FAM124B: variants seen among roughly 807,000 people sequenced by gnomAD.
The protein encoded by FAM124B is protein FAM124B.
FAM124B carries 18 observed loss-of-function variants against 19.7 expected under a neutral mutation model. The observed-to-expected ratio is 0.92, with a 90% CI of 0.63 to 1.36. The LOEUF (loss-of-function observed/expected upper bound fraction) is 1.36, where lower values mean the gene tolerates loss of function less well. FAM124B is among the 40% of genes most tolerant of loss of function. The pLI, the probability that FAM124B is intolerant of heterozygous loss-of-function variation, is 0.00. For missense variants in FAM124B, 540 were observed against 553.3 expected, an observed-to-expected ratio of 0.98 and a Z score of 0.24; for synonymous variants, 223 against 225.2, an observed-to-expected ratio of 0.99 and a Z score of 0.09.
chr2:224,380,858 C>A (rs7590857), intron 1 of FAM124B, among the ~76,000 whole-genome samples: 21,199 of 152,144 alleles, frequency 0.14, 1,559 homozygotes, highest in East Asian at 0.24. Context: ...TAGGTGTTTT[C>A]ATCCTTAGCA....
At chr2:224,384,959 A>G (rs1389153398) in intron 1 of FAM124B, among the ~76,000 whole-genome samples, 1 of 151,348 alleles carries the variant, frequency 6.6e-6, no homozygotes, top group Non-Finnish European at 1.5e-5. Context: ...CAGCAATTAA[A>G]CTTGTTCAAG....
At position 224,401,865 on chromosome 2, in the gene FAM124B, C is replaced by A; in HGVS notation, c.-97G>T. On this transcript the variant is annotated 5_prime_UTR_variant, in exon 1 of 2. Transcript: ENST00000409685. ...AAGAAGCGGCCCAGCCTTCAGCCCG[C>A]CTGAAAACCTTCAGCTGCAGCGGCT... The A allele has an allele frequency of 7.1e-7, 1 of 1,415,446 alleles. No individual in the cohort carries two copies. The allele number at this position is 1,415,446 out of a possible 1,614,324, so 87.7% of individuals were successfully genotyped here. A position where few individuals can be genotyped will look rare whatever the true frequency, so the allele number is the denominator to read the frequency against.
intron 1 of FAM124B, among the ~76,000 whole-genome samples, chr2:224,387,926 G>A (rs1332863977): frequency 6.6e-6 from 1 of 152,186 alleles, no homozygotes; most frequent in Non-Finnish European, 1.5e-5. Context: ...AACAAACATA[G>A]CTAAATATCT....
In FAM124B at chr2:224,401,860, G is replaced by T; in HGVS notation, c.-92C>A. The T allele has an allele frequency of 2.1e-6, 3 of 1,459,310 alleles. No homozygotes were observed. Among genetic ancestry groups the T allele is most frequent in the Non-Finnish European group, 2.8e-6 (3 of 1,085,334 alleles). 90.4% of individuals were successfully genotyped at this position (1,459,310 alleles called of 1,614,324 possible). ...GAATGAAGAAGCGGCCCAGCCTTCA[G>T]CCCGCCTGAAAACCTTCAGCTGCAG... On this transcript the variant is annotated 5_prime_UTR_variant, in exon 1 of 2. The change creates a new upstream start codon in the 5' untranslated region. Coordinates refer to ENST00000409685, the MANE Select transcript of FAM124B (RefSeq NM_001122779.2).
At chr2:224,382,506 T>A (rs1196693645) in intron 1 of FAM124B, among the ~76,000 whole-genome samples, 3 of 149,628 alleles carry the variant, frequency 2.0e-5, no homozygotes, top group Admixed American at 6.8e-5. Flanking sequence ...ACCTGCCAGG[T>A]TCAAGTGATT....
Position 224,401,904 on chromosome 2 carries a change from G to T in FAM124B, c.-136C>A. 9.6e-7 allele frequency: 1 copy of T among 1,042,030 alleles called. No individual in the cohort carries two copies. The highest frequency in any genetic ancestry group is 1.4e-6 in the Non-Finnish European group (1 of 728,750). 64.5% of individuals were successfully genotyped at this position (1,042,030 alleles called of 1,614,324 possible). On this transcript the variant is annotated 5_prime_UTR_variant, in exon 1 of 2. Transcript: ENST00000409685. ...GCTGCAGCGGCTACTTCTGAGCAGA[G>T]CTCTTAACCAGACTAACACGTGCTC... is the stretch of plus-strand genomic sequence containing the variant.
At position 224,401,241 on chromosome 2, in the gene FAM124B, G is replaced by C. The variant is rs1306058109; in HGVS notation, c.528C>G (p.Leu176=). The change falls in exon 1 of 2, where the codon CTC becomes CTG. Residue 176 remains leucine (L), a synonymous_variant. Transcript: ENST00000409685. ...GCAGAGCAAAGCTCTTGGAGGCATA[G>C]AGCACGAAGAAACAAAAATTGCTCT... ...LQKSNFCFFV[L]YASKSFALQL... is the part of the protein sequence containing the mutation. 6.2e-7 allele frequency: 1 copy of C among 1,614,060 alleles called. No individual in the cohort carries two copies. Among genetic ancestry groups the C allele is most frequent in the African/African-American group, 1.3e-5 (1 of 74,924 alleles).
chr2:224,395,504 C>T (rs527468931), intron 1 of FAM124B, among the ~76,000 whole-genome samples: 3 of 152,260 alleles, frequency 2.0e-5, no homozygotes, highest in African/African-American at 7.2e-5. Flanking sequence ...GGCAAAAGCA[C>T]AGGGAGAAAA....
rs1401560201 is a variant in FAM124B at position 224,380,214 on chromosome 2, G to T, written c.733-6C>A. 5.2e-6 allele frequency: 8 copies of T among 1,530,992 alleles called. No homozygotes were observed. In the South Asian group the frequency reaches 9.8e-5, roughly 19 times the overall value. 94.8% of individuals were successfully genotyped at this position (1,530,992 alleles called of 1,614,324 possible). A position where few individuals can be genotyped will look rare whatever the true frequency, so the allele number is the denominator to read the frequency against. ...AGTTCTGGATTCAGCTGAACCTACA[G>T]GAAAGGAAAGGAGGAACATATGAAA... On this transcript the variant is annotated splice_polypyrimidine_tract_variant and splice_region_variant and intron_variant, in intron 1 of 1. Coordinates refer to ENST00000409685, the MANE Select transcript of FAM124B (RefSeq NM_001122779.2).
In FAM124B at chr2:224,383,398, A is replaced by T. The variant is rs183222903; in HGVS notation, c.733-3190T>A. Among the ~76,000 whole-genome samples, 7 of 151,972 alleles carry T rather than the reference A, an allele frequency of 4.6e-5. No individual in the cohort carries two copies. The East Asian group carries it at 1.2e-3, about 25-fold the overall frequency. On this transcript the variant is annotated intron_variant, in intron 1 of 1. Coordinates refer to ENST00000409685, the MANE Select transcript of FAM124B (RefSeq NM_001122779.2). ...ATTCTTTGCCTAATTTCATTTTGCT[A>T]TCTCTCTCTACATTTCCCTTTGCTC...
At chr2:224,381,500 T>TA (rs969736791) in intron 1 of FAM124B, among the ~76,000 whole-genome samples, 1 of 134,376 alleles carries the variant, frequency 7.4e-6, no homozygotes, top group Non-Finnish European at 1.6e-5. Context: ...ATGAAGACAG[T>TA]AAAAAAATCA....
At chr2:224,390,497 G>A (rs556933256) in intron 1 of FAM124B, among the ~76,000 whole-genome samples, 3 of 152,080 alleles carry the variant, frequency 2.0e-5, no homozygotes, top group South Asian at 2.1e-4. Context: ...AGGAGATGAC[G>A]AGGGCCTCTG....
At position 224,379,512 on chromosome 2, in the gene FAM124B, T is replaced by C. The variant is rs1373504184; in HGVS notation, c.*61A>G. The stretch of plus-strand genomic sequence containing the variant: ...AACTAACAGGCTGATTCTGGGTCAG[T>C]ACTCCATTTCTAGAACATTTTATCT... On this transcript the variant is annotated 3_prime_UTR_variant, in exon 2 of 2. Coordinates refer to ENST00000409685, the MANE Select transcript of FAM124B (RefSeq NM_001122779.2). 1.4e-6 allele frequency: 2 copies of C among 1,470,118 alleles called. No homozygotes were observed. Among genetic ancestry groups the C allele is most frequent in the Admixed American group, 2.5e-5 (1 of 39,802 alleles). 91.1% of individuals were successfully genotyped at this position (1,470,118 alleles called of 1,614,324 possible).
chr2:224,387,841 G>A (rs1689823424), intron 1 of FAM124B, among the ~76,000 whole-genome samples: 1 of 152,158 alleles, frequency 6.6e-6, no homozygotes, highest in Admixed American at 6.5e-5. Context: ...AGAAATGCTA[G>A]AGAAGAAGAA....
chr2:224,381,463 A>G (rs1689715117), intron 1 of FAM124B, among the ~76,000 whole-genome samples: 1 of 151,968 alleles, frequency 6.6e-6, no homozygotes, highest in South Asian at 2.1e-4. Flanking sequence ...GATGCCAACT[A>G]TATGACACTT....
intron 1 of FAM124B, among the ~76,000 whole-genome samples, chr2:224,384,136 C>A (rs1048087917): frequency 1.3e-5 from 2 of 152,178 alleles, no homozygotes; most frequent in Admixed American, 1.3e-4. Context: ...CCAGCTCACC[C>A]CTCCACTCCC....
In FAM124B at chr2:224,383,013, T is replaced by C. The variant is rs116198056; in HGVS notation, c.733-2805A>G. Among the ~76,000 whole-genome samples, 1,474 of 152,224 alleles carry C rather than the reference T, an allele frequency of 9.7e-3. 21 individuals are homozygous for C. The highest frequency in any genetic ancestry group is 0.013 in the Non-Finnish European group (869 of 68,014). ...GAAGAGAGCTTCCACCAGCATCAGATACTCTCTCTAGGGGCGACACTGTTG... is the reference window on the plus strand; with the variant it reads ...GAAGAGAGCTTCCACCAGCATCAGACACTCTCTCTAGGGGCGACACTGTTG... On this transcript the variant is annotated intron_variant, in intron 1 of 1. Coordinates refer to ENST00000409685, the MANE Select transcript of FAM124B (RefSeq NM_001122779.2).
chr2:224,398,995 G>A (rs1690020017), intron 1 of FAM124B, among the ~76,000 whole-genome samples: 1 of 152,140 alleles, frequency 6.6e-6, no homozygotes, highest in African/African-American at 2.4e-5. Flanking sequence ...AAGAGTGAGG[G>A]GCTGATGCCC....
intron 1 of FAM124B, among the ~76,000 whole-genome samples, chr2:224,381,589 A>T (rs1201152979): frequency 6.6e-6 from 1 of 152,214 alleles, no homozygotes; most frequent in Non-Finnish European, 1.5e-5. Flanking sequence ...ACTACTCTGC[A>T]TGATACTGTA....
Sources: allele counts gnomAD v4.1 joint callset (sites outside exome capture counted in the v4.1 genomes callset), GRCh38; gene constraint gnomAD v4.1.1; transcripts MANE v1.5; gene names NCBI Gene and HGNC (gene_info 2026-07-23, HGNC 2026-07-21).